Variants in FHIT observed in about 807,000 individuals in gnomAD.
FHIT encodes fragile histidine triad diadenosine triphosphatase.
A neutral mutation model predicts 17.9 loss-of-function variants in FHIT; 19 were observed. The observed-to-expected ratio is 1.06, with a 90% CI of 0.74 to 1.56. The LOEUF is 1.56. FHIT is among the 40% of genes most tolerant of loss of function. The probability of loss-of-function intolerance (pLI) is 0.00; values close to 1 mark genes in which losing one functional copy is unlikely to be tolerated. For synonymous variants in FHIT, 81 were observed against 69.7 expected (o/e 1.16, Z -0.81); for missense variants, 248 against 189.2 (o/e 1.31, Z -1.82).
chr3:59,915,629 A>G (rs1705097602), intron 8 of FHIT, among the ~76,000 whole-genome samples: 2 of 152,164 alleles, frequency 1.3e-5, no homozygotes, highest in Admixed American at 1.3e-4. Flanking sequence ...ATGCTTCTCA[A>G]CATTCCTCAT....
At position 59,930,577 on chromosome 3, in the gene FHIT, A is replaced by G. The variant is rs577772345; in HGVS notation, c.280-8163T>C. The stretch of plus-strand genomic sequence containing the variant: ...GGCACCAGAAAGGGCGGCAGGCTTC[A>G]GTTCCCCCTCCGTGATTCAAACAGA... On this transcript the variant is annotated intron_variant, in intron 7 of 9. Coordinates refer to ENST00000492590, the MANE Select transcript of FHIT (RefSeq NM_002012.4). Among the ~76,000 whole-genome samples, 5 of 152,256 alleles carry G rather than the reference A, an allele frequency of 3.3e-5. No homozygotes were observed. The South Asian group carries it at 1.0e-3, about 32-fold the overall frequency.
At chr3:60,725,242 G>C (rs893125415) in intron 4 of FHIT, among the ~76,000 whole-genome samples, 1 of 152,068 alleles carries the variant, frequency 6.6e-6, no homozygotes, top group African/African-American at 2.4e-5. Context: ...TTGTGGGTTA[G>C]TTTTATTATT....
At chr3:60,460,712 A>G (rs761571437) in intron 5 of FHIT, among the ~76,000 whole-genome samples, 2 of 152,218 alleles carry the variant, frequency 1.3e-5, no homozygotes, top group Non-Finnish European at 2.9e-5. Context: ...TACAATCCTC[A>G]AAGCATTAAA....
At chr3:60,556,918 GA>G (rs2107636039) in intron 4 of FHIT, among the ~76,000 whole-genome samples, 1 of 152,266 alleles carries the variant, frequency 6.6e-6, no homozygotes, top group African/African-American at 2.4e-5. Flanking sequence ...AGTCATTTCT[GA>G]AAACAGGACT....
At chr3:60,308,490 G>GTA (rs1380485852) in intron 5 of FHIT, among the ~76,000 whole-genome samples, 75 of 74,914 alleles carry the variant, frequency 1.0e-3, no homozygotes, top group African/African-American at 4.2e-3. Flanking sequence ...AGGTATAGGT[G>GTA]TATGTGTATA....
intron 5 of FHIT, among the ~76,000 whole-genome samples, chr3:60,350,402 T>C (rs1034243097): frequency 6.6e-6 from 1 of 152,130 alleles, no homozygotes; most frequent in African/African-American, 2.4e-5. Context: ...AGCTCCAAAC[T>C]CCCATGATTT....
chr3:60,924,005 T>C (rs376043358), intron 3 of FHIT, among the ~76,000 whole-genome samples: 10 of 152,066 alleles, frequency 6.6e-5, no homozygotes, highest in African/African-American at 2.4e-4. Flanking sequence ...GCAGCGAGGC[T>C]TGGGGAGGGG....
At chr3:60,269,990 T>C (rs1345231847) in intron 5 of FHIT, among the ~76,000 whole-genome samples, 1 of 152,142 alleles carries the variant, frequency 6.6e-6, no homozygotes, top group African/African-American at 2.4e-5. Context: ...TCTCTGAAAA[T>C]GACCAGGCCT....
intron 3 of FHIT, among the ~76,000 whole-genome samples, chr3:60,955,598 A>ATG (rs1491340552): frequency 1.4e-4 from 1 of 6,990 alleles, no homozygotes; most frequent in African/African-American, 5.6e-4. Context: ...ATATATATAC[A>ATG]TATATATATA....
chr3:61,132,716 G>C (rs1392096319), intron 2 of FHIT, among the ~76,000 whole-genome samples: 1 of 152,204 alleles, frequency 6.6e-6, no homozygotes, highest in East Asian at 1.9e-4. Flanking sequence ...CAGGCAACAT[G>C]GTTAAGAGTG....
intron 8 of FHIT, among the ~76,000 whole-genome samples, chr3:59,756,912 C>A (rs972073825): frequency 5.3e-5 from 8 of 152,168 alleles, no homozygotes; most frequent in Admixed American, 3.3e-4. Flanking sequence ...TCTTTGAAAT[C>A]AAAACATGTC....
chr3:60,620,962 A>G (rs2107752311), intron 4 of FHIT, among the ~76,000 whole-genome samples: 1 of 152,226 alleles, frequency 6.6e-6, no homozygotes, highest in South Asian at 2.1e-4. Context: ...GTTAAAAAAG[A>G]AATAGTGTAT....
intron 1 of FHIT, among the ~76,000 whole-genome samples, chr3:61,208,469 C>G (rs9839700): frequency 1.3e-5 from 2 of 151,618 alleles, no homozygotes; most frequent in African/African-American, 4.8e-5. Flanking sequence ...GTAGGTCACT[C>G]AGGACTTGCT....
At chr3:60,797,894 T>A (rs1553730894) in intron 4 of FHIT, among the ~76,000 whole-genome samples, 2 of 152,100 alleles carry the variant, frequency 1.3e-5, no homozygotes, top group East Asian at 3.8e-4. Context: ...GTGCAAGAAA[T>A]ATGACTTTCT....
At chr3:60,871,895 T>A (rs1704433376) in intron 3 of FHIT, among the ~76,000 whole-genome samples, 2 of 152,110 alleles carry the variant, frequency 1.3e-5, no homozygotes, top group Non-Finnish European at 2.9e-5. Context: ...ACTTCTGGAC[T>A]CAAATGATCC....
intron 5 of FHIT, among the ~76,000 whole-genome samples, chr3:60,097,112 A>G (rs1703984827): frequency 6.6e-6 from 1 of 151,996 alleles, no homozygotes; most frequent in African/African-American, 2.4e-5. Flanking sequence ...AGGTGAAAAC[A>G]TACCCAAATA....
intron 4 of FHIT, among the ~76,000 whole-genome samples, chr3:60,596,992 C>T (rs59837376): frequency 0.011 from 1,690 of 152,222 alleles, 28 homozygotes; most frequent in African/African-American, 0.038. Context: ...TCAGAGACCT[C>T]TGGTATTCTG....
At chr3:59,932,446 G>C (rs1706020037) in intron 7 of FHIT, among the ~76,000 whole-genome samples, 2 of 152,128 alleles carry the variant, frequency 1.3e-5, no homozygotes, top group South Asian at 4.1e-4. Context: ...AGGAAGCATT[G>C]ATTGCAGATG....
rs2036835590 is a variant in FHIT at position 60,558,892 on chromosome 3, C to G, written c.-17-21913G>C. 2.0e-5 allele frequency among the ~76,000 whole-genome samples: 3 copies of G among 152,198 alleles called. No individual in the cohort carries two copies. The South Asian group carries it at 6.2e-4, about 32-fold the overall frequency. On this transcript the variant is annotated intron_variant, in intron 4 of 9. Coordinates refer to ENST00000492590, the MANE Select transcript of FHIT (RefSeq NM_002012.4). ...CCCAGGGAAACTTTTCATGGCAGCC[C>G]TGAGATGGTTCGATCCATTTCAAGC...
Sources: allele counts gnomAD v4.1 joint callset (sites outside exome capture counted in the v4.1 genomes callset), GRCh38; gene constraint gnomAD v4.1.1; transcripts MANE v1.5; gene names NCBI Gene and HGNC (gene_info 2026-07-23, HGNC 2026-07-21).